YY1AP1: variants seen among roughly 807,000 people sequenced by gnomAD.
YY1AP1 encodes the protein YY1-associated protein 1.
In YY1AP1, 43 loss-of-function variants were observed where a neutral mutation model predicts 39.9. The ratio of observed to expected loss-of-function variants is 1.08; its 90% CI spans 0.84 to 1.39. YY1AP1 has a LOEUF of 1.39. Among genes scored for constraint, YY1AP1 ranks in the 40% most tolerant of loss-of-function variants. The pLI, the probability that YY1AP1 is intolerant of heterozygous loss-of-function variation, is 0.00. For synonymous variants in YY1AP1, 292 were observed against 331.3 expected (o/e 0.88, Z 1.29); for missense variants, 813 against 900.7 (o/e 0.90, Z 1.25).
upstream of YY1AP1, chr1:155,688,776 C>T: frequency 5.2e-6 from 8 of 1,536,852 alleles, no homozygotes; most frequent in Non-Finnish European, 7.0e-6. Flanking sequence ...CCACCCTACA[C>T]TCCTCGCGCG....
Position 155,680,396 on chromosome 1 carries a change from A to G in YY1AP1, c.21+20T>C, listed in dbSNP as rs770751179. 6 of 1,612,826 alleles carry G rather than the reference A, an allele frequency of 3.7e-6. No homozygotes were observed. The African/African-American group carries it at 8.0e-5, about 22-fold the overall frequency. ...AACCAACTTACAATCCCATGTTCTC[A>G]CTTGAGGATCATTACTCACAGTTTC... On this transcript the variant is annotated intron_variant, in intron 3 of 10. Transcript: ENST00000355499.
At chr1:155,662,135 A>C (rs1412766844) in intron 9 of YY1AP1, among the ~76,000 whole-genome samples, 3 of 152,142 alleles carry the variant, frequency 2.0e-5, no homozygotes, top group Non-Finnish European at 4.4e-5. Context: ...ACTTTAAGCA[A>C]ATGATGGTGT....
chr1:155,673,830 G>A (rs985876458), intron 6 of YY1AP1, among the ~76,000 whole-genome samples: 1 of 152,032 alleles, frequency 6.6e-6, no homozygotes, highest in Non-Finnish European at 1.5e-5. Flanking sequence ...TGGGACTACA[G>A]GCATGAGCCA....
chr1:155,675,311 C>G (rs12078870), intron 5 of YY1AP1, among the ~76,000 whole-genome samples: 1 of 151,684 alleles, frequency 6.6e-6, no homozygotes, highest in South Asian at 2.1e-4. Context: ...CAATGCCTGG[C>G]TAATTTATTT....
rs1176120554 is a variant in YY1AP1, at chr1:155,676,753, C to T, written c.126-7G>A. ...GGCCAGTAGTTCCTCAAACCTATCC[C>T]AAACGGGGATGACTGAATTTGAGTG... On this transcript the variant is annotated splice_polypyrimidine_tract_variant and splice_region_variant and intron_variant, in intron 4 of 10. Coordinates refer to ENST00000355499, the MANE Select transcript of YY1AP1 (RefSeq NM_139119.3). 25 of 1,613,644 alleles carry T rather than the reference C, an allele frequency of 1.5e-5. No homozygotes were observed. The highest frequency in any genetic ancestry group is 9.3e-6 in the Non-Finnish European group (11 of 1,179,848).
chr1:155,688,489 C>A, intron 1 of YY1AP1, 170 bp downstream of exon 1: 1 of 1,549,364 alleles, frequency 6.5e-7, no homozygotes, highest in Non-Finnish European at 8.7e-7. Context: ...AGCCCGCACG[C>A]GTACGAGTGT....
chr1:155,661,143 C>T (rs982174116), intron 10 of YY1AP1, 164 bp downstream of exon 10: 300 of 1,554,266 alleles, frequency 1.9e-4, no homozygotes, highest in Non-Finnish European at 2.4e-4. Context: ...TGTAGAATCA[C>T]CCGGAGAAGG....
In YY1AP1 at chr1:155,676,698, C is replaced by T. The variant is rs557914253; in HGVS notation, c.174G>A (p.Ala58=). ...ANLLNEQHQI[A]KELFEQLKMK... The stretch of plus-strand genomic sequence containing the variant: ...TCTTCAGCTGTTCAAATAGTTCCTT[C>T]GCTATCTGATGTTGTTCATTTAGTA... The change falls in exon 5 of 11, where the codon GCG becomes GCA. Residue 58 remains alanine, a synonymous_variant. Coordinates refer to ENST00000355499, the MANE Select transcript of YY1AP1 (RefSeq NM_139119.3). 201 of 1,614,122 alleles carry T rather than the reference C, an allele frequency of 1.2e-4. No individual in the cohort carries two copies. The highest frequency in any genetic ancestry group is 1.7e-4 in the Admixed American group (10 of 60,016).
At chr1:155,674,850 A>T in intron 6 of YY1AP1, 160 bp downstream of exon 6, 1 of 593,436 alleles carries the variant, frequency 1.7e-6, no homozygotes, top group South Asian at 2.2e-5. Context: ...AAAATTGAAT[A>T]CACTCTTTGT....
intron 4 of YY1AP1, 35 bp downstream of exon 4, chr1:155,679,374 T>G (rs764927435): frequency 6.2e-7 from 1 of 1,614,012 alleles, no homozygotes; most frequent in Non-Finnish European, 8.5e-7. Context: ...AAACTCTTCC[T>G]CTATTCCAAA....
At chr1:155,663,860 A>C (rs1648544715) in intron 9 of YY1AP1, among the ~76,000 whole-genome samples, 1 of 152,212 alleles carries the variant, frequency 6.6e-6, no homozygotes, top group African/African-American at 2.4e-5. Flanking sequence ...TCAGAGGTTG[A>C]GAAAAACAGG....
In YY1AP1 at chr1:155,672,183, A is replaced by G. The variant is rs191382407; in HGVS notation, c.583+377T>C. On this transcript the variant is annotated intron_variant, in intron 7 of 10. Transcript: ENST00000355499. ...AAAGTTAGTTGATCTTAATGAAGAG[A>G]ATAAAAAGCTAAACATGACCGAACT... is the stretch of plus-strand genomic sequence containing the variant. 6 of 316,814 alleles carry G rather than the reference A, an allele frequency of 1.9e-5. No homozygotes were observed. In the Admixed American group the frequency reaches 2.2e-4, roughly 11 times the overall value. The allele number at this position is 316,814 out of a possible 1,614,324, so 19.6% of individuals were successfully genotyped here.
chr1:155,681,543 C>T (rs1419321373), intron 2 of YY1AP1, among the ~76,000 whole-genome samples: 2 of 151,974 alleles, frequency 1.3e-5, no homozygotes, highest in African/African-American at 2.4e-5. Context: ...GAGCTGAGAC[C>T]GTCCCACTGC....
intron 2 of YY1AP1, among the ~76,000 whole-genome samples, chr1:155,681,579 AC>A (rs1487740689): frequency 1.3e-5 from 2 of 151,050 alleles, no homozygotes; most frequent in Non-Finnish European, 2.9e-5. Flanking sequence ...ACAGAGCAAG[AC>A]ACTGTCTCCA....
intron 9 of YY1AP1, among the ~76,000 whole-genome samples, chr1:155,662,718 G>A (rs1298657647): frequency 6.6e-6 from 1 of 152,086 alleles, no homozygotes; most frequent in African/African-American, 2.4e-5. Context: ...AATGTACAAA[G>A]GGCTGGGCAT....
At position 155,660,363 on chromosome 1, in the gene YY1AP1, G is replaced by A. The variant is rs773240857; in HGVS notation, c.1547C>T (p.Pro516Leu). 9 of 1,614,072 alleles carry A rather than the reference G, an allele frequency of 5.6e-6. 1 individual carries two copies. In the South Asian group the frequency reaches 8.8e-5, roughly 16 times the overall value. ...APVPKVMMPS[P>L]ASSMFRKPYV... is the part of the protein sequence containing the mutation. ...TGGCTTTCGAAACATGGAAGAGGCAGGGGAGGGCATCATTACCTTGGGCAC... is the reference window on the plus strand; with the variant it reads ...TGGCTTTCGAAACATGGAAGAGGCAAGGGAGGGCATCATTACCTTGGGCAC... The change falls in exon 11 of 11, where the codon CCT becomes CTT. Residue 516 changes from proline (P) to leucine (L), a missense_variant. This residue lies in a region of YY1AP1 where 586 missense variants were observed against 647.4 expected (regional missense o/e 0.91). Transcript: ENST00000355499.
At chr1:155,661,786 G>C (rs1045418468) in intron 9 of YY1AP1, among the ~76,000 whole-genome samples, 1 of 152,162 alleles carries the variant, frequency 6.6e-6, no homozygotes, top group African/African-American at 2.4e-5. Flanking sequence ...CTCCGGAGTA[G>C]CTGGGACTAC....
In YY1AP1 at chr1:155,660,485, C is replaced by G; in HGVS notation, c.1425G>C (p.Glu475Asp). Reference sequence around the variant, plus strand: ...GCAGTGCTGCAGGAGACTCAAAACTCTCACCTCCACTGACCCCCAGTGGAG... The same window carrying G: ...GCAGTGCTGCAGGAGACTCAAAACTGTCACCTCCACTGACCCCCAGTGGAG... ...GVPPLGVSGG[E>D]SFESPAALPA... is the part of the protein sequence containing the mutation. Residue 475 changes from glutamate to aspartate, a missense_variant, in exon 11 of 11, where the codon GAG becomes GAC. This residue lies in a region of YY1AP1 where 586 missense variants were observed against 647.4 expected (regional missense o/e 0.91). Transcript: ENST00000355499. 1 of 1,614,174 alleles carries G rather than the reference C, an allele frequency of 6.2e-7. No individual in the cohort carries two copies. Among genetic ancestry groups the G allele is most frequent in the Non-Finnish European group, 8.5e-7 (1 of 1,180,038 alleles).
At chr1:155,675,571 G>A (rs1438631337) in intron 5 of YY1AP1, among the ~76,000 whole-genome samples, 2 of 151,884 alleles carry the variant, frequency 1.3e-5, no homozygotes, top group African/African-American at 2.4e-5. Flanking sequence ...TGATTCACCC[G>A]CCTTGGCCTC....
Sources: allele counts gnomAD v4.1 joint callset (sites outside exome capture counted in the v4.1 genomes callset), GRCh38; gene constraint gnomAD v4.1.1; regional missense constraint gnomAD v4.1.1; transcripts MANE v1.5; gene names NCBI Gene and HGNC (gene_info 2026-07-23, HGNC 2026-07-21).